The following KIRREL3 variants were observed in gnomAD, a reference collection of about 807,000 sequenced individuals.
KIRREL3 encodes the protein kin of IRRE-like protein 3.
A neutral mutation model predicts 89.7 loss-of-function variants in KIRREL3; 36 were observed. The observed-to-expected ratio is 0.40, with a 90% CI of 0.31 to 0.53. The LOEUF (loss-of-function observed/expected upper bound fraction) is 0.53. KIRREL3 is among the 20% of genes least tolerant of loss of function. The pLI is 0.49. For synonymous variants in KIRREL3, 445 were observed against 441.4 expected (o/e 1.01, Z -0.10); for missense variants, 864 against 1,056.6 (o/e 0.82, Z 2.53).
intron 1 of KIRREL3, among the ~76,000 whole-genome samples, chr11:126,793,845 T>C (rs1051804004): frequency 2.6e-5 from 4 of 152,218 alleles, no homozygotes; most frequent in Admixed American, 2.0e-4. Flanking sequence ...TGAGCTCCAC[T>C]GTGAATAAAT....
In KIRREL3 at chr11:126,685,607, CA is replaced by C. The variant is rs1946635462; in HGVS notation, c.56-122696del. On this transcript the variant is annotated intron_variant, in intron 1 of 16. Coordinates refer to ENST00000525144, the MANE Select transcript of KIRREL3 (RefSeq NM_032531.4). The surrounding 1 kb of genome is among the most constrained non-coding windows in gnomAD (Gnocchi z 5.5). ...CTTTCCCCTGCCAGGGCAGGCTTGG[CA>C]CTTCCCAGGATTACAGTCATAATGG... Among the ~76,000 whole-genome samples, 1 of 152,248 alleles carries C rather than the reference CA, an allele frequency of 6.6e-6. No homozygotes were observed. The highest frequency in any genetic ancestry group is 2.4e-5 in the African/African-American group (1 of 41,470).
chr11:126,977,911 T>C lies in KIRREL3; in HGVS notation c.55+22544A>G, dbSNP rs1290152683. ...CAGGAAAGAGCATCAATTTCCTGTG[T>C]ACCACACAGTCAGAGGCATCCCTGT... is the stretch of plus-strand genomic sequence containing the variant. On this transcript the variant is annotated intron_variant, in intron 1 of 16. Coordinates refer to ENST00000525144, the MANE Select transcript of KIRREL3 (RefSeq NM_032531.4). The surrounding 1 kb of genome is among the most constrained non-coding windows in gnomAD (Gnocchi z 4.7). Among the ~76,000 whole-genome samples, 1 of 152,180 alleles carries C rather than the reference T, an allele frequency of 6.6e-6. No homozygotes were observed. The highest frequency in any genetic ancestry group is 1.5e-5 in the Non-Finnish European group (1 of 68,024).
rs1167019688 is a variant in KIRREL3, at chr11:126,430,136, T to TAAAAAAAA, written c.1697-849_1697-848insTTTTTTTT. ...CTGGGCAACAGGATGAGACTCTGTC[T>TAAAAAAAA]CAAAAAAAAAAAAGGAAATTCTTGA... On this transcript the variant is annotated intron_variant, in intron 14 of 16. Coordinates refer to ENST00000525144, the MANE Select transcript of KIRREL3 (RefSeq NM_032531.4). This position sits in a 1 kb window ranked among gnomAD's most constrained non-coding sequence, Gnocchi z 6.6. Among the ~76,000 whole-genome samples, 6 of 125,154 alleles carry TAAAAAAAA rather than the reference T, an allele frequency of 4.8e-5. No individual in the cohort carries two copies. Among genetic ancestry groups the TAAAAAAAA allele is most frequent in the African/African-American group, 1.4e-4 (4 of 28,816 alleles). 82.1% of individuals were successfully genotyped at this position (125,154 alleles called of 152,430 possible).
chr11:126,558,545 C>A lies in KIRREL3; in HGVS notation c.133+4290G>T, dbSNP rs986437479. On this transcript the variant is annotated intron_variant, in intron 2 of 16. Transcript: ENST00000525144. This position sits in a 1 kb window ranked among gnomAD's most constrained non-coding sequence, Gnocchi z 4.0. ...CTCTTCCAGCCACTTCATATGGGCC[C>A]CGGGCAAGTTGCTGCATGCTCTTGG... Among the ~76,000 whole-genome samples, 7 of 152,182 alleles carry A rather than the reference C, an allele frequency of 4.6e-5. No homozygotes were observed. The highest frequency in any genetic ancestry group is 9.7e-5 in the African/African-American group (4 of 41,450).
At chr11:126,950,992 GA>G (rs1190527120) in intron 1 of KIRREL3, among the ~76,000 whole-genome samples, 1 of 151,778 alleles carries the variant, frequency 6.6e-6, no homozygotes, top group Non-Finnish European at 1.5e-5. Context: ...GTTCTGTTAA[GA>G]AAAAAAACAG....
intron 1 of KIRREL3, among the ~76,000 whole-genome samples, chr11:126,631,687 A>G (rs1944031329): frequency 6.6e-6 from 1 of 152,198 alleles, no homozygotes; most frequent in African/African-American, 2.4e-5. Context: ...CATAATAACA[A>G]TCCTTTACTT....
intron 4 of KIRREL3, among the ~76,000 whole-genome samples, chr11:126,504,559 A>G (rs971656146): frequency 6.6e-6 from 1 of 152,210 alleles, no homozygotes; most frequent in Admixed American, 6.5e-5. Flanking sequence ...AAAGCCCTAG[A>G]CCCAGATGGC....
intron 4 of KIRREL3, among the ~76,000 whole-genome samples, chr11:126,497,177 AGT>A (rs778643000): frequency 7.3e-6 from 1 of 136,766 alleles, no homozygotes; most frequent in African/African-American, 2.7e-5. Flanking sequence ...TGTGTAAGAG[AGT>A]GTGTGAGAGT....
At chr11:126,869,423 C>T (rs1281213167) in intron 1 of KIRREL3, among the ~76,000 whole-genome samples, 1 of 152,152 alleles carries the variant, frequency 6.6e-6, no homozygotes, top group Non-Finnish European at 1.5e-5. Context: ...CAGGGATCAC[C>T]TCTGACATGA....
rs1056801471 is a variant in KIRREL3, at chr11:126,719,217, C to T, written c.56-156305G>A. 4.6e-5 allele frequency among the ~76,000 whole-genome samples: 7 copies of T among 152,150 alleles called. No homozygotes were observed. The highest frequency in any genetic ancestry group is 1.2e-4 in the African/African-American group (5 of 41,432). On this transcript the variant is annotated intron_variant, in intron 1 of 16. Coordinates refer to ENST00000525144, the MANE Select transcript of KIRREL3 (RefSeq NM_032531.4). This position sits in a 1 kb window ranked among gnomAD's most constrained non-coding sequence, Gnocchi z 4.7. The stretch of plus-strand genomic sequence containing the variant: ...CAAATCTAAAAATACGCCACTGAAA[C>T]GGCTTCTTCCTAAATTACCAATGAC...
chr11:126,571,110 G>A lies in KIRREL3; in HGVS notation c.56-8198C>T, dbSNP rs944752357. ...GGTGCTTGTTGGTGCGTCGTGCCAT[G>A]CTCTGTCTCCATTCTCTGTGAGATT... On this transcript the variant is annotated intron_variant, in intron 1 of 16. Coordinates refer to ENST00000525144, the MANE Select transcript of KIRREL3 (RefSeq NM_032531.4). The surrounding 1 kb of genome is among the most constrained non-coding windows in gnomAD (Gnocchi z 7.7). 6.6e-6 allele frequency among the ~76,000 whole-genome samples: 1 copy of A among 152,194 alleles called. No homozygotes were observed. Among genetic ancestry groups the A allele is most frequent in the Non-Finnish European group, 1.5e-5 (1 of 68,046 alleles).
chr11:126,799,319 T>G (rs1950930194), intron 1 of KIRREL3, among the ~76,000 whole-genome samples: 1 of 64,400 alleles, frequency 1.6e-5, no homozygotes, highest in Non-Finnish European at 2.9e-5. Context: ...TGTGTGTACC[T>G]ATGTGTATCT....
At position 126,531,530 on chromosome 11, in the gene KIRREL3, A is replaced by G. The variant is rs909268387; in HGVS notation, c.134-4843T>C. ...TGCCTCGAGTTCTCCTCGATGTTTCATTGTCCTGGGATGCACTGCATCCCC... is the reference window on the plus strand; with the variant it reads ...TGCCTCGAGTTCTCCTCGATGTTTCGTTGTCCTGGGATGCACTGCATCCCC... On this transcript the variant is annotated intron_variant, in intron 2 of 16. Coordinates refer to ENST00000525144, the MANE Select transcript of KIRREL3 (RefSeq NM_032531.4). This position sits in a 1 kb window ranked among gnomAD's most constrained non-coding sequence, Gnocchi z 4.7. Among the ~76,000 whole-genome samples the G allele has an allele frequency of 1.3e-5, 2 of 151,810 alleles. No individual in the cohort carries two copies. The highest frequency in any genetic ancestry group is 2.1e-4 in the South Asian group (1 of 4,806).
In KIRREL3 at chr11:126,931,616, G is replaced by C. The variant is rs1207943186; in HGVS notation, c.55+68839C>G. 1.3e-5 allele frequency among the ~76,000 whole-genome samples: 2 copies of C among 152,192 alleles called. No individual in the cohort carries two copies. On this transcript the variant is annotated intron_variant, in intron 1 of 16. Coordinates refer to ENST00000525144, the MANE Select transcript of KIRREL3 (RefSeq NM_032531.4). The surrounding 1 kb of genome is among the most constrained non-coding windows in gnomAD (Gnocchi z 5.1). ...GTCCAAATCTACTTTCTAGTAGCAA[G>C]TATAAGAATGAGGATTCCAAGTCCT... is the stretch of plus-strand genomic sequence containing the variant.
Position 126,747,671 on chromosome 11 carries a change from C to T in KIRREL3, c.56-184759G>A, listed in dbSNP as rs144798331. Among the ~76,000 whole-genome samples the T allele has an allele frequency of 6.8e-3, 1,040 of 152,162 alleles. 12 individuals carry two copies. Among genetic ancestry groups the T allele is most frequent in the South Asian group, 0.03 (142 of 4,792 alleles). ...CCCTTGAGTTCCTTGAGACTAGAAA[C>T]GGTTTTATTTATTTTGGAATCTCAA... On this transcript the variant is annotated intron_variant, in intron 1 of 16. Coordinates refer to ENST00000525144, the MANE Select transcript of KIRREL3 (RefSeq NM_032531.4). This position sits in a 1 kb window ranked among gnomAD's most constrained non-coding sequence, Gnocchi z 4.7.
At position 126,611,139 on chromosome 11, in the gene KIRREL3, G is replaced by A. The variant is rs543591901; in HGVS notation, c.56-48227C>T. Among the ~76,000 whole-genome samples, 5 of 152,308 alleles carry A rather than the reference G, an allele frequency of 3.3e-5. No homozygotes were observed. In the East Asian group the frequency reaches 9.6e-4, roughly 29 times the overall value. On this transcript the variant is annotated intron_variant, in intron 1 of 16. Transcript: ENST00000525144. This position sits in a 1 kb window ranked among gnomAD's most constrained non-coding sequence, Gnocchi z 4.7. ...ACTTTGGGGAAGTTCCTCAACTGAA[G>A]TCACAAAGACCTAATCTGGGAGGTG... is the stretch of plus-strand genomic sequence containing the variant.
At position 126,686,993 on chromosome 11, in the gene KIRREL3, C is replaced by T. The variant is rs1368412416; in HGVS notation, c.56-124081G>A. ...CCTGACAGAGATGACATCCCTGGAA[C>T]TGCAGTAGAGGAGTATGGCTAGAAG... On this transcript the variant is annotated intron_variant, in intron 1 of 16. Coordinates refer to ENST00000525144, the MANE Select transcript of KIRREL3 (RefSeq NM_032531.4). The surrounding 1 kb of genome is among the most constrained non-coding windows in gnomAD (Gnocchi z 4.7). Among the ~76,000 whole-genome samples, 1 of 152,180 alleles carries T rather than the reference C, an allele frequency of 6.6e-6. No homozygotes were observed. Among genetic ancestry groups the T allele is most frequent in the Admixed American group, 6.5e-5 (1 of 15,282 alleles).
Position 126,643,657 on chromosome 11 carries a change from A to G in KIRREL3, c.56-80745T>C, listed in dbSNP as rs1289366978. 2.6e-5 allele frequency among the ~76,000 whole-genome samples: 4 copies of G among 152,348 alleles called. No individual in the cohort carries two copies. The East Asian group carries it at 5.8e-4, about 22-fold the overall frequency. ...GCATAACTGTGGTTTAGGAAGATCA[A>G]TGTGGCAACACAATGAGTAGGATTG... On this transcript the variant is annotated intron_variant, in intron 1 of 16. Coordinates refer to ENST00000525144, the MANE Select transcript of KIRREL3 (RefSeq NM_032531.4). This position sits in a 1 kb window ranked among gnomAD's most constrained non-coding sequence, Gnocchi z 4.5.
In KIRREL3 at chr11:127,000,137, A is replaced by C. The variant is rs1950280508; in HGVS notation, c.55+318T>G. 1.3e-5 allele frequency among the ~76,000 whole-genome samples: 2 copies of C among 152,178 alleles called. No individual in the cohort carries two copies. Among genetic ancestry groups the C allele is most frequent in the Non-Finnish European group, 2.9e-5 (2 of 68,030 alleles). On this transcript the variant is annotated intron_variant, in intron 1 of 16. Coordinates refer to ENST00000525144, the MANE Select transcript of KIRREL3 (RefSeq NM_032531.4). The surrounding 1 kb of genome is among the most constrained non-coding windows in gnomAD (Gnocchi z 7.1). ...CAGAAGTTCAGAGCGGCATAACCAC[A>C]GAGATACTACCTAATTAACATACCA...
Sources: gnomAD v4.1 joint callset for allele counts (sites outside exome capture counted in the v4.1 genomes callset) on GRCh38, gnomAD v4.1.1 for gene constraint, Gnocchi (gnomAD v3.1) non-coding constraint, MANE v1.5 for transcripts, NCBI Gene and HGNC (gene_info 2026-07-23, HGNC 2026-07-21) for gene names.